Variants in L3MBTL4 observed in about 807,000 individuals in gnomAD.
The protein encoded by L3MBTL4 is lethal(3)malignant brain tumor-like protein 4.
L3MBTL4 carries 70 observed loss-of-function variants against 84.5 expected under a neutral mutation model. The ratio of observed to expected loss-of-function variants is 0.83; its 90% CI spans 0.68 to 1.01. L3MBTL4 has a LOEUF of 1.01. Ranked by LOEUF, L3MBTL4 falls within the 50% of genes least tolerant of loss-of-function variation. The pLI is 0.00. For synonymous variants in L3MBTL4, 274 were observed against 259.8 expected (o/e 1.05, Z -0.52); for missense variants, 715 against 754.8 (o/e 0.95, Z 0.62).
intron 16 of L3MBTL4, among the ~76,000 whole-genome samples, chr18:6,045,643 T>C (rs1270273634): frequency 6.6e-6 from 1 of 152,120 alleles, no homozygotes; most frequent in African/African-American, 2.4e-5. Context: ...AAGACCTGCC[T>C]CCATGACTCA....
At chr18:6,303,480 A>T (rs1184443244) in intron 3 of L3MBTL4, among the ~76,000 whole-genome samples, 2 of 152,210 alleles carry the variant, frequency 1.3e-5, no homozygotes, top group African/African-American at 4.8e-5. Context: ...GAATGTGAAA[A>T]TTTAGCAGCT....
At chr18:6,305,452 T>G (rs1245920322) in intron 3 of L3MBTL4, among the ~76,000 whole-genome samples, 3 of 152,252 alleles carry the variant, frequency 2.0e-5, no homozygotes, top group Admixed American at 6.5e-5. Flanking sequence ...ACACTGCTAT[T>G]AATGAACAGA....
intron 1 of L3MBTL4, among the ~76,000 whole-genome samples, chr18:6,375,600 C>T (rs888649915): frequency 6.6e-6 from 1 of 152,142 alleles, no homozygotes; most frequent in Non-Finnish European, 1.5e-5. Flanking sequence ...TTTACTTGAG[C>T]CCTCCGAGAG....
intron 16 of L3MBTL4, among the ~76,000 whole-genome samples, chr18:5,984,120 C>T (rs2053361421): frequency 6.6e-6 from 1 of 152,162 alleles, no homozygotes; most frequent in Non-Finnish European, 1.5e-5. Context: ...CCATGTTGGC[C>T]AGGCTGGTCT....
rs1598638694 is a variant in L3MBTL4, at chr18:6,071,743, AG to A, written c.1444+9137del. 5.1e-3 allele frequency among the ~76,000 whole-genome samples: 416 copies of A among 81,734 alleles called. 3 individuals carry two copies. The highest frequency in any genetic ancestry group is 0.01 in the Admixed American group (73 of 6,992). The allele number at this position is 81,734 out of a possible 152,430, so 53.6% of individuals were successfully genotyped here. On this transcript the variant is annotated intron_variant, in intron 16 of 18. Transcript: ENST00000317931. ...AAAGAAAGAAGGAAAGAAAGAAGGA[AG>A]GAAAGAAAGAAAGAAAAAAAGAAAG... is the stretch of plus-strand genomic sequence containing the variant.
At chr18:6,189,570 T>C (rs1348923067) in intron 12 of L3MBTL4, among the ~76,000 whole-genome samples, 1 of 152,056 alleles carries the variant, frequency 6.6e-6, no homozygotes, top group African/African-American at 2.4e-5. Flanking sequence ...TAGAAGCAAA[T>C]ACACAGATGA....
At chr18:6,024,037 C>T (rs1434536863) in intron 16 of L3MBTL4, among the ~76,000 whole-genome samples, 2 of 152,082 alleles carry the variant, frequency 1.3e-5, no homozygotes, top group Admixed American at 6.5e-5. Flanking sequence ...TAAAGATACC[C>T]AGCTAATTTT....
chr18:6,015,774 C>G (rs1019363048), intron 16 of L3MBTL4, among the ~76,000 whole-genome samples: 1 of 152,010 alleles, frequency 6.6e-6, no homozygotes. Flanking sequence ...CTGGCTAACA[C>G]AGTGAAACCC....
At chr18:6,094,127 G>A (rs2058552332) in intron 14 of L3MBTL4, among the ~76,000 whole-genome samples, 1 of 152,196 alleles carries the variant, frequency 6.6e-6, no homozygotes, top group Non-Finnish European at 1.5e-5. Flanking sequence ...TCAAAGCTGA[G>A]TCCTGAGTCC....
chr18:6,231,498 T>A (rs1168855090), intron 10 of L3MBTL4, among the ~76,000 whole-genome samples: 8 of 152,168 alleles, frequency 5.3e-5, no homozygotes, highest in South Asian at 2.1e-4. Context: ...TAGTTTGAAG[T>A]CTGGCAATGG....
At chr18:6,171,463 G>A (rs2043966827) in intron 13 of L3MBTL4, among the ~76,000 whole-genome samples, 2 of 152,168 alleles carry the variant, frequency 1.3e-5, no homozygotes, top group South Asian at 4.1e-4. Flanking sequence ...AAGACTTTGT[G>A]TAGTCTATTC....
At chr18:5,998,878 T>C (rs1269121194) in intron 16 of L3MBTL4, among the ~76,000 whole-genome samples, 1 of 152,178 alleles carries the variant, frequency 6.6e-6, no homozygotes, top group Non-Finnish European at 1.5e-5. Context: ...GCCTTCAGGC[T>C]CCTCTATTCC....
intron 1 of L3MBTL4, among the ~76,000 whole-genome samples, chr18:6,314,178 C>G (rs2050978015): frequency 6.6e-6 from 1 of 152,134 alleles, no homozygotes; most frequent in Non-Finnish European, 1.5e-5. Context: ...CCGAATAGGA[C>G]ATTTCTTTTG....
intron 12 of L3MBTL4, among the ~76,000 whole-genome samples, chr18:6,184,831 C>A (rs1366239339): frequency 6.6e-6 from 1 of 152,168 alleles, no homozygotes; most frequent in East Asian, 1.9e-4. Flanking sequence ...AGTTGCAAAC[C>A]AAACCCATGT....
intron 1 of L3MBTL4, among the ~76,000 whole-genome samples, chr18:6,342,062 CTCTT>C (rs2052633382): frequency 6.6e-6 from 1 of 152,086 alleles, no homozygotes; most frequent in African/African-American, 2.4e-5. Flanking sequence ...GAGACAGAAA[CTCTT>C]TCCTAGAAAA....
chr18:6,116,124 T>C (rs1027160372), intron 14 of L3MBTL4, among the ~76,000 whole-genome samples: 12 of 152,142 alleles, frequency 7.9e-5, no homozygotes, highest in African/African-American at 1.9e-4. Flanking sequence ...GTAGTGAAAC[T>C]GGAGCAAAAT....
At chr18:6,315,106 C>G (rs1042136145) in intron 1 of L3MBTL4, among the ~76,000 whole-genome samples, 10 of 152,122 alleles carry the variant, frequency 6.6e-5, no homozygotes, top group Non-Finnish European at 1.0e-4. Context: ...TACAGAGTGG[C>G]CTGGGTGTTC....
intron 16 of L3MBTL4, chr18:6,031,675 C>T (rs1598488368): frequency 1.0e-6 from 1 of 983,778 alleles, no homozygotes; most frequent in African/African-American, 1.7e-5. Context: ...TCTCATCCTC[C>T]AGCAGGTCAG....
intron 16 of L3MBTL4, among the ~76,000 whole-genome samples, chr18:6,000,445 G>C (rs634203): frequency 0.088 from 13,321 of 152,164 alleles, 981 homozygotes; most frequent in African/African-American, 0.2. Context: ...CAGAAAGGGA[G>C]AATGGACCTT....
Sources: gnomAD v4.1 joint callset for allele counts (sites outside exome capture counted in the v4.1 genomes callset) on GRCh38, gnomAD v4.1.1 for gene constraint, MANE v1.5 for transcripts, NCBI Gene and HGNC (gene_info 2026-07-23, HGNC 2026-07-21) for gene names.